Variants in DNAH8 observed in about 807,000 individuals in gnomAD.
DNAH8 encodes the protein axonemal beta dynein heavy chain 8.
In DNAH8, 382 loss-of-function variants were observed where a neutral mutation model predicts 562.1. The observed-to-expected ratio is 0.68, with a 90% CI of 0.63 to 0.74. The LOEUF (loss-of-function observed/expected upper bound fraction) is 0.74. Ranked by LOEUF, DNAH8 falls within the 30% of genes least tolerant of loss-of-function variation. The pLI, the probability that DNAH8 is intolerant of heterozygous loss-of-function variation, is 0.00. For missense variants in DNAH8, 5,203 were observed against 5,620.4 expected, an observed-to-expected ratio of 0.93 and a Z score of 2.37; for synonymous variants, 1,881 against 1,919.4, an observed-to-expected ratio of 0.98 and a Z score of 0.52.
intron 17 of DNAH8, among the ~76,000 whole-genome samples, chr6:38,785,641 C>A (rs915780367): frequency 2.6e-5 from 4 of 151,998 alleles, no homozygotes; most frequent in East Asian, 3.9e-4. Flanking sequence ...TTGCTCCCCA[C>A]CCCCCGACAG....
Position 38,775,805 on chromosome 6 carries a change from A to G in DNAH8, c.1816A>G (p.Thr606Ala), listed in dbSNP as rs775016069. ...VQTYSTLSNS[T>A]IEGIDIMAIK... ...AACATATTCAACCTTGAGTAATTCT[A>G]CCATAGAAGGAATAGATATTATGGC... Residue 606 changes from threonine (T) to alanine (A), a missense_variant, in exon 13 of 93, where the codon ACC becomes GCC. Transcript: ENST00000327475. The G allele has an allele frequency of 6.3e-7, 1 of 1,596,674 alleles. No individual in the cohort carries two copies. The highest frequency in any genetic ancestry group is 1.1e-5 in the South Asian group (1 of 90,662).
intron 85 of DNAH8, 28 bp downstream of exon 85, chr6:38,974,557 T>C: frequency 6.2e-7 from 1 of 1,601,620 alleles, no homozygotes; most frequent in Non-Finnish European, 8.5e-7. Context: ...TTTTCACATT[T>C]AGGAGATGGC....
chr6:38,755,937 T>A (rs774808448), intron 9 of DNAH8, 35 bp from the exon 10 acceptor site: 13 of 1,095,456 alleles, frequency 1.2e-5, no homozygotes, highest in Non-Finnish European at 1.1e-5. Flanking sequence ...ACTATATGCA[T>A]ATGATGGAAT....
At chr6:39,008,311 C>T (rs901895415) in intron 88 of DNAH8, among the ~76,000 whole-genome samples, 3 of 151,890 alleles carry the variant, frequency 2.0e-5, no homozygotes, top group Admixed American at 2.0e-4. Context: ...ATAGATTTCC[C>T]TGGAAATCAT....
rs534783808 is a variant in DNAH8, at chr6:38,851,616, T to C, written c.5408T>C (p.Val1803Ala). 7.3e-5 allele frequency: 118 copies of C among 1,612,378 alleles called. No individual in the cohort carries two copies. In the Admixed American group the frequency reaches 1.9e-3, roughly 25 times the overall value. Reference sequence around the variant, plus strand: ...TTACTGTTTCCAAGATTCTTCTTTGTATCTGATCCAGTTCTCCTGGAAATT... The same window carrying C: ...TTACTGTTTCCAAGATTCTTCTTTGCATCTGATCCAGTTCTCCTGGAAATT... ...KRLLFPRFFF[V>A]SDPVLLEILG... Residue 1803 changes from valine to alanine, a missense_variant, in exon 39 of 93, where the codon GTA becomes GCA. By Grantham distance (64) the Val-to-Ala change is moderately conservative. Transcript: ENST00000327475.
chr6:38,998,978 A>G (rs553569198), intron 88 of DNAH8, among the ~76,000 whole-genome samples: 9 of 152,300 alleles, frequency 5.9e-5, no homozygotes, highest in Admixed American at 5.9e-4. Context: ...TTGCAAACAT[A>G]AAATCACATT....
intron 30 of DNAH8, among the ~76,000 whole-genome samples, chr6:38,831,635 G>C (rs1773846551): frequency 6.6e-6 from 1 of 152,080 alleles, no homozygotes; most frequent in Non-Finnish European, 1.5e-5. Flanking sequence ...AGGGGCCCTG[G>C]AACTACACAG....
chr6:38,868,127 A>T lies in DNAH8; in HGVS notation c.6759A>T (p.Arg2253Ser). 2 of 1,613,902 alleles carry T rather than the reference A, an allele frequency of 1.2e-6. No homozygotes were observed. The highest frequency in any genetic ancestry group is 1.7e-6 in the Non-Finnish European group (2 of 1,179,820). Residue 2253 changes from arginine (R) to serine (S), a missense_variant, in exon 48 of 93, where the codon AGA becomes AGT. Arg to Ser is a moderately radical substitution (Grantham distance 110, BLOSUM62 -1). Around this residue, in one of 6 missense-constraint regions of DNAH8, gnomAD observed 2,176 missense variants for 2,365.1 expected, o/e 0.92. Transcript: ENST00000327475. The part of the protein sequence containing the change: ...SVLRTLGSQK[R>S]ARPEDSELSI... ...TGAGGACTCTTGGATCTCAAAAAAG[A>T]GCCAGACCAGAAGATAGTGAATTAA... is the stretch of plus-strand genomic sequence containing the variant.
Position 38,860,832 on chromosome 6 carries a change from T to C in DNAH8, c.6131+203T>C, listed in dbSNP as rs117125743. Among the ~76,000 whole-genome samples, 241 of 152,246 alleles carry C rather than the reference T, an allele frequency of 1.6e-3. 4 individuals are homozygous for C. In the East Asian group the frequency reaches 0.041, roughly 26 times the overall value. On this transcript the variant is annotated intron_variant, in intron 43 of 92. Transcript: ENST00000327475. ...TATGAAGTAGAAAAAGATAAAAGAA[T>C]AAAAGCAAGCTTGAATGTTGACTGT...
rs887698290 is a variant in DNAH8, at chr6:38,882,837, T to A, written c.7859-73T>A. 9 of 1,078,886 alleles carry A rather than the reference T, an allele frequency of 8.3e-6. No individual in the cohort carries two copies. In the South Asian group the frequency reaches 1.0e-4, roughly 12 times the overall value. The allele number at this position is 1,078,886 out of a possible 1,614,324, so 66.8% of individuals were successfully genotyped here. On this transcript the variant is annotated intron_variant, in intron 53 of 92. Coordinates refer to ENST00000327475, the MANE Select transcript of DNAH8 (RefSeq NM_001206927.2). ...GATTCTATTGATTGTTTATTGCACTTAACATTTTTGTATTATGAGATAACT... is the reference window on the plus strand; with the variant it reads ...GATTCTATTGATTGTTTATTGCACTAAACATTTTTGTATTATGAGATAACT...
intron 11 of DNAH8, among the ~76,000 whole-genome samples, chr6:38,767,371 A>G (rs1767111606): frequency 6.6e-6 from 1 of 151,964 alleles, no homozygotes; most frequent in African/African-American, 2.4e-5. Context: ...TGGGAGGCGT[A>G]GATTGCAGTG....
Position 38,805,560 on chromosome 6 carries a change from G to A in DNAH8, c.3114G>A (p.Glu1038=), listed in dbSNP as rs1396466906. The change falls in exon 23 of 93, where the codon GAG becomes GAA. Residue 1038 remains glutamate (E), a synonymous_variant. Coordinates refer to ENST00000327475, the MANE Select transcript of DNAH8 (RefSeq NM_001206927.2). ...ACTATGAAGCTAATATTGTGAATGAGTTTGATACTCATGATAAAGAAGATG... is the reference window on the plus strand; with the variant it reads ...ACTATGAAGCTAATATTGTGAATGAATTTGATACTCATGATAAAGAAGATG... ...NNDYEANIVN[E]FDTHDKEDEF... 1 of 1,597,360 alleles carries A rather than the reference G, an allele frequency of 6.3e-7. No homozygotes were observed. The highest frequency in any genetic ancestry group is 8.6e-7 in the Non-Finnish European group (1 of 1,165,402).
intron 21 of DNAH8, 124 bp from the exon 22 acceptor site, chr6:38,803,055 C>A: frequency 1.5e-6 from 1 of 657,192 alleles, no homozygotes; most frequent in Non-Finnish European, 2.4e-6. Context: ...CCATTTTCAG[C>A]TATCTCTAGC....
At position 38,893,574 on chromosome 6, in the gene DNAH8, T is replaced by A. The variant is rs191867952; in HGVS notation, c.8584-1127T>A. Among the ~76,000 whole-genome samples, 147 of 152,332 alleles carry A rather than the reference T, an allele frequency of 9.6e-4. 1 individual carries two copies. Among genetic ancestry groups the A allele is most frequent in the Non-Finnish European group, 1.3e-3 (90 of 68,026 alleles). On this transcript the variant is annotated intron_variant, in intron 58 of 92. Transcript: ENST00000327475. ...TTTACATACTTGTAATATAACTATA[T>A]GTTTTACATTTTAGTGGGTAGGATG...
intron 16 of DNAH8, among the ~76,000 whole-genome samples, 156 bp from the exon 17 acceptor site, chr6:38,782,848 C>T (rs963609305): frequency 6.6e-6 from 1 of 152,160 alleles, no homozygotes; most frequent in African/African-American, 2.4e-5. Flanking sequence ...CTGCTTCTTG[C>T]TGATATGGCC....
chr6:38,952,375 T>A (rs952232890), intron 82 of DNAH8, among the ~76,000 whole-genome samples: 4 of 152,154 alleles, frequency 2.6e-5, no homozygotes, highest in African/African-American at 7.2e-5. Flanking sequence ...AGCCATCCTG[T>A]AAGAAGGACT....
At chr6:38,894,308 A>G (rs1779533724) in intron 58 of DNAH8, among the ~76,000 whole-genome samples, 1 of 152,186 alleles carries the variant, frequency 6.6e-6, no homozygotes, top group Non-Finnish European at 1.5e-5. Flanking sequence ...CTGCATGACA[A>G]CCAACTCACG....
intron 77 of DNAH8, among the ~76,000 whole-genome samples, 172 bp downstream of exon 77, chr6:38,935,869 T>G (rs1354498789): frequency 6.6e-6 from 1 of 152,166 alleles, no homozygotes; most frequent in African/African-American, 2.4e-5. Context: ...GAGAATCTGA[T>G]TTTTGAATTA....
At chr6:39,009,507 T>C (rs1766039081) in intron 89 of DNAH8, among the ~76,000 whole-genome samples, 1 of 152,210 alleles carries the variant, frequency 6.6e-6, no homozygotes, top group African/African-American at 2.4e-5. Flanking sequence ...GTTACCAATC[T>C]GAAGTCTTCT....
Sources: gnomAD v4.1 joint callset for allele counts (sites outside exome capture counted in the v4.1 genomes callset) on GRCh38, gnomAD v4.1.1 for gene constraint, gnomAD v4.1.1 regional missense constraint, MANE v1.5 for transcripts, NCBI Gene and HGNC (gene_info 2026-07-23, HGNC 2026-07-21) for gene names.